The following TECR variants were observed in gnomAD, a reference collection of about 807,000 sequenced individuals.
TECR encodes very-long-chain enoyl-CoA reductase.
A neutral mutation model predicts 50.6 loss-of-function variants in TECR; 19 were observed. The observed-to-expected ratio is 0.38, with a 90% CI of 0.26 to 0.55. TECR has a LOEUF of 0.55. Among genes scored for constraint, TECR ranks in the 20% least tolerant of loss-of-function variants. The pLI, the probability that TECR is intolerant of heterozygous loss-of-function variation, is 0.79. For synonymous variants in TECR, 168 were observed against 163.5 expected (o/e 1.03, Z -0.21); for missense variants, 313 against 408.3 (o/e 0.77, Z 2.01).
At chr19:14,543,419 ATTTTTTTTTTTTT>A (rs1169742953) in intron 1 of TECR, among the ~76,000 whole-genome samples, 761 of 21,330 alleles carry the variant, frequency 0.036, 25 homozygotes, top group South Asian at 0.053. Flanking sequence ...ATATATATAT[ATTTTTTTTTTTTT>A]TTTTTTTTTT....
At position 14,556,413 on chromosome 19, in the gene TECR, A is replaced by AAAAAAACAAAAAC. The variant is rs142293376; in HGVS notation, c.16-6107_16-6106insACAAAAACAAAAA. Among the ~76,000 whole-genome samples, 87 of 86,616 alleles carry AAAAAAACAAAAAC rather than the reference A, an allele frequency of 1.0e-3. 1 individual carries two copies. Among genetic ancestry groups the AAAAAAACAAAAAC allele is most frequent in the Admixed American group, 2.3e-3 (19 of 8,126 alleles). The allele number at this position is 86,616 out of a possible 152,430, so 56.8% of individuals were successfully genotyped here. On this transcript the variant is annotated intron_variant, in intron 1 of 12. Transcript: ENST00000215567. ...GGGCGACAGCGAGACTCTCTCAAAA[A>AAAAAAACAAAAAC]AAAAACAAAAACAAAAAAAACCACA... is the stretch of plus-strand genomic sequence containing the variant.
chr19:14,544,979 G>T (rs77117646), intron 1 of TECR: 10 of 408,636 alleles, frequency 2.4e-5, no homozygotes, highest in Non-Finnish European at 4.9e-5. Context: ...AGGAACTGCG[G>T]TGTCCTTTTC....
chr19:14,536,952 T>C (rs2072919711), intron 1 of TECR, among the ~76,000 whole-genome samples: 1 of 88,194 alleles, frequency 1.1e-5, no homozygotes, highest in South Asian at 4.0e-4. Flanking sequence ...ACGGGGCAGA[T>C]GTGGGGAGGA....
rs1433359558 is a variant in TECR, at chr19:14,563,541, G to C, written c.119-117G>C. The C allele has an allele frequency of 2.9e-6, 4 of 1,358,278 alleles. No individual in the cohort carries two copies. The highest frequency in any genetic ancestry group is 4.1e-6 in the Non-Finnish European group (4 of 964,786). 84.1% of individuals were successfully genotyped at this position (1,358,278 alleles called of 1,614,324 possible). A position where few individuals can be genotyped will look rare whatever the true frequency, so the allele number is the denominator to read the frequency against. On this transcript the variant is annotated intron_variant, in intron 3 of 12. Transcript: ENST00000215567. This position sits in a 1 kb window ranked among gnomAD's most constrained non-coding sequence, Gnocchi z 5.3. ...GGTTTGCCCCCAGGTGGGAGGAGCTGTGGAGTCCTGGGGTCCTTGCACCCT... is the reference window on the plus strand; with the variant it reads ...GGTTTGCCCCCAGGTGGGAGGAGCTCTGGAGTCCTGGGGTCCTTGCACCCT...
intron 1 of TECR, among the ~76,000 whole-genome samples, chr19:14,538,973 C>T (rs1480773967): frequency 2.7e-5 from 4 of 149,556 alleles, no homozygotes; most frequent in Admixed American, 2.0e-4. Context: ...CCATGCAAGT[C>T]ACATTTTTTT....
Position 14,563,342 on chromosome 19 carries a change from C to A in TECR, c.118+85C>A. The A allele has an allele frequency of 7.7e-7, 1 of 1,305,942 alleles. No individual in the cohort carries two copies. Among genetic ancestry groups the A allele is most frequent in the South Asian group, 1.2e-5 (1 of 83,510 alleles). 80.9% of individuals were successfully genotyped at this position (1,305,942 alleles called of 1,614,324 possible). A position where few individuals can be genotyped will look rare whatever the true frequency, so the allele number is the denominator to read the frequency against. On this transcript the variant is annotated intron_variant, in intron 3 of 12. Coordinates refer to ENST00000215567, the MANE Select transcript of TECR (RefSeq NM_138501.6). The surrounding 1 kb of genome is among the most constrained non-coding windows in gnomAD (Gnocchi z 5.3). ...GGGAGGGATCCCATCCTGCACCCCT[C>A]TCCCAGGGGCCTGCAGAGATGCCCC...
chr19:14,536,907 G>A (rs1018458239), intron 1 of TECR, among the ~76,000 whole-genome samples: 5 of 149,536 alleles, frequency 3.3e-5, no homozygotes, highest in African/African-American at 7.4e-5. Context: ...CATTTGACAA[G>A]TAGTACGGCC....
At chr19:14,557,880 C>T (rs1033500328) in intron 1 of TECR, among the ~76,000 whole-genome samples, 41 of 151,908 alleles carry the variant, frequency 2.7e-4, no homozygotes, top group Non-Finnish European at 1.6e-4. Context: ...CTCAGCCTCC[C>T]GAGTAGCTGG....
chr19:14,559,308 G>C (rs999672702), intron 1 of TECR, among the ~76,000 whole-genome samples: 1 of 151,998 alleles, frequency 6.6e-6, no homozygotes, highest in Non-Finnish European at 1.5e-5. Context: ...TCTGAAAGGA[G>C]ACCGGGTACC....
At chr19:14,534,422 C>CTT (rs2072788239) in intron 1 of TECR, among the ~76,000 whole-genome samples, 3 of 113,102 alleles carry the variant, frequency 2.7e-5, no homozygotes, top group African/African-American at 8.1e-5. Context: ...CCATGCCTGG[C>CTT]CTTTTTTTTT....
At chr19:14,537,611 G>C (rs2072948111) in intron 1 of TECR, among the ~76,000 whole-genome samples, 1 of 152,138 alleles carries the variant, frequency 6.6e-6, no homozygotes, top group African/African-American at 2.4e-5. Flanking sequence ...GTTCAGGCTG[G>C]GTCTTAACAC....
Position 14,561,363 on chromosome 19 carries a change from G to A in TECR, c.16-1162G>A, listed in dbSNP as rs1488096284. On this transcript the variant is annotated intron_variant, in intron 1 of 12. Transcript: ENST00000215567. ...GGGATCAGGCCTGCCTGCTTGCCAC[G>A]ACCCCTGTATAATAGGATTGCACTG... Among the ~76,000 whole-genome samples, 8 of 152,230 alleles carry A rather than the reference G, an allele frequency of 5.3e-5. No homozygotes were observed. In the East Asian group the frequency reaches 1.4e-3, roughly 26 times the overall value.
At chr19:14,533,839 G>C (rs1280493517) in intron 1 of TECR, 1 of 152,126 alleles carries the variant, frequency 6.6e-6, no homozygotes, top group Non-Finnish European at 1.5e-5. Context: ...ATTGTCTTGG[G>C]GTCAGAGCTA....
At chr19:14,536,538 G>A (rs2072905603) in intron 1 of TECR, 1 of 152,122 alleles carries the variant, frequency 6.6e-6, no homozygotes, top group Admixed American at 6.6e-5. Flanking sequence ...CCAGAGTGTT[G>A]GGATTACAGG....
chr19:14,549,617 G>A (rs534365998), intron 1 of TECR, among the ~76,000 whole-genome samples: 12 of 151,942 alleles, frequency 7.9e-5, no homozygotes, highest in East Asian at 2.0e-4. Context: ...ATGAGCCAGC[G>A]TACCTGACCT....
intron 1 of TECR, 22 bp downstream of exon 1, chr19:14,529,733 C>T (rs375144461): frequency 3.7e-6 from 6 of 1,614,000 alleles, no homozygotes; most frequent in Non-Finnish European, 4.2e-6. Context: ...GAAACAGGGG[C>T]CGTGTGGCCA....
chr19:14,535,990 C>T (rs78930422), intron 1 of TECR, among the ~76,000 whole-genome samples: 2,618 of 151,984 alleles, frequency 0.017, 64 homozygotes, highest in African/African-American at 0.055. Flanking sequence ...TAGGCCATTT[C>T]TTTGCTGTAG....
At chr19:14,555,878 G>T (rs543106733) in intron 1 of TECR, among the ~76,000 whole-genome samples, 2 of 152,050 alleles carry the variant, frequency 1.3e-5, no homozygotes, top group African/African-American at 4.8e-5. Context: ...GAGCCACTGC[G>T]CCCAGCCCAC....
At chr19:14,552,195 C>T (rs1226654004) in intron 1 of TECR, among the ~76,000 whole-genome samples, 3 of 136,668 alleles carry the variant, frequency 2.2e-5, no homozygotes, top group African/African-American at 8.2e-5. Context: ...TTTGAGATAG[C>T]GTGTCTTCTG....
Sources: allele counts gnomAD v4.1 joint callset (sites outside exome capture counted in the v4.1 genomes callset), GRCh38; gene constraint gnomAD v4.1.1; non-coding constraint Gnocchi (gnomAD v3.1); transcripts MANE v1.5; gene names NCBI Gene and HGNC (gene_info 2026-07-23, HGNC 2026-07-21).